Variants in NRG3 observed in about 807,000 individuals in gnomAD.
The protein encoded by NRG3 is pro-neuregulin-3, membrane-bound isoform.
NRG3 carries 31 observed loss-of-function variants against 66.9 expected under a neutral mutation model. The ratio of observed to expected loss-of-function variants is 0.46; its 90% CI spans 0.35 to 0.63. NRG3 has a LOEUF of 0.63. Among genes scored for constraint, NRG3 ranks in the 20% least tolerant of loss-of-function variants. The probability of loss-of-function intolerance (pLI) is 0.00; values close to 1 mark genes in which losing one functional copy is unlikely to be tolerated. For synonymous variants in NRG3, 393 were observed against 359.4 expected (o/e 1.09, Z -1.06); for missense variants, 910 against 878.9 (o/e 1.04, Z -0.45).
chr10:82,764,665 C>A (rs1467872844), intron 3 of NRG3, among the ~76,000 whole-genome samples: 2 of 152,032 alleles, frequency 1.3e-5, no homozygotes, highest in East Asian at 3.9e-4. Flanking sequence ...CATGAGCCAC[C>A]ACACCCAGCC....
chr10:82,159,924 A>T (rs1277040084), intron 1 of NRG3, among the ~76,000 whole-genome samples: 1 of 151,960 alleles, frequency 6.6e-6, no homozygotes, highest in Non-Finnish European at 1.5e-5. Flanking sequence ...CCTGGAATGA[A>T]TGGAGCAAAA....
rs372950835 is a variant in NRG3, at chr10:81,996,050, G to A, written c.823+119887G>A. Among the ~76,000 whole-genome samples, 10 of 152,074 alleles carry A rather than the reference G, an allele frequency of 6.6e-5. No individual in the cohort carries two copies. In the East Asian group the frequency reaches 1.2e-3, roughly 18 times the overall value. ...CATAATGAATAGCTTTGCTAAAGAG[G>A]ATTCTGCTTTCAAATTTCAAGAATA... On this transcript the variant is annotated intron_variant, in intron 1 of 8. Coordinates refer to ENST00000372141, the MANE Select transcript of NRG3 (RefSeq NM_001010848.4).
chr10:82,455,740 G>A (rs536119265), intron 2 of NRG3, among the ~76,000 whole-genome samples: 10 of 151,310 alleles, frequency 6.6e-5, no homozygotes, highest in African/African-American at 2.2e-4. Context: ...TCAGCCTCCC[G>A]AGTAGCTGGG....
chr10:82,910,148 A>G (rs894536936), intron 4 of NRG3, among the ~76,000 whole-genome samples: 1 of 152,222 alleles, frequency 6.6e-6, no homozygotes, highest in African/African-American at 2.4e-5. Context: ...AAGATTCAAC[A>G]CGCTGGCTGC....
At chr10:82,426,631 ATTATT>A (rs2089464595) in intron 2 of NRG3, among the ~76,000 whole-genome samples, 2 of 142,532 alleles carry the variant, frequency 1.4e-5, no homozygotes, top group Admixed American at 7.1e-5. Context: ...TATTATTATT[ATTATT>A]ATTATTATTA....
intron 1 of NRG3, among the ~76,000 whole-genome samples, chr10:82,151,991 A>G (rs2070784728): frequency 6.6e-6 from 1 of 152,236 alleles, no homozygotes; most frequent in South Asian, 2.1e-4. Flanking sequence ...ATACGTTAGC[A>G]TAAGTGCCTG....
chr10:82,118,093 TC>T (rs1292938568), intron 1 of NRG3, among the ~76,000 whole-genome samples: 5 of 152,052 alleles, frequency 3.3e-5, no homozygotes, highest in African/African-American at 1.2e-4. Flanking sequence ...AACCCTCACT[TC>T]CTGACTCACT....
intron 1 of NRG3, among the ~76,000 whole-genome samples, chr10:82,045,786 G>A (rs1430825709): frequency 1.4e-5 from 1 of 71,980 alleles, no homozygotes; most frequent in African/African-American, 4.8e-5. Context: ...TTCTACATAT[G>A]GCTAGCCAGT....
chr10:81,985,076 A>G (rs533684866), intron 1 of NRG3, among the ~76,000 whole-genome samples: 1 of 152,324 alleles, frequency 6.6e-6, no homozygotes, highest in South Asian at 2.1e-4. Context: ...AGATAAATAC[A>G]ATAATAGTTA....
At chr10:82,288,328 G>A (rs2079536909) in intron 1 of NRG3, among the ~76,000 whole-genome samples, 1 of 152,152 alleles carries the variant, frequency 6.6e-6, no homozygotes, top group South Asian at 2.1e-4. Context: ...TGAAGAAACT[G>A]AGGATTAGAG....
chr10:82,185,884 G>A (rs936932359), intron 1 of NRG3, among the ~76,000 whole-genome samples: 5 of 152,218 alleles, frequency 3.3e-5, no homozygotes, highest in Non-Finnish European at 7.4e-5. Flanking sequence ...AAAGAGTTTC[G>A]TGTAGTATAT....
chr10:82,380,269 T>G (rs1298315689), intron 2 of NRG3, among the ~76,000 whole-genome samples: 1 of 151,934 alleles, frequency 6.6e-6, no homozygotes, highest in African/African-American at 2.4e-5. Context: ...CAGATCAGAT[T>G]TTTTTTGCAA....
chr10:82,720,326 G>T (rs1433911243), intron 2 of NRG3, among the ~76,000 whole-genome samples: 3 of 151,938 alleles, frequency 2.0e-5, no homozygotes, highest in African/African-American at 7.3e-5. Context: ...GGAGGCAGAG[G>T]TTGCAGTGAG....
intron 1 of NRG3, among the ~76,000 whole-genome samples, chr10:81,883,359 C>G (rs1247705276): frequency 2.0e-5 from 3 of 152,090 alleles, no homozygotes; most frequent in African/African-American, 7.2e-5. Flanking sequence ...TTGTTATAAG[C>G]TTTTATTTCT....
intron 3 of NRG3, among the ~76,000 whole-genome samples, chr10:82,761,952 C>CTTTCTTTCTCTCT (rs1565287344): frequency 1.5e-4 from 19 of 123,940 alleles, no homozygotes; most frequent in African/African-American, 5.6e-4. Context: ...TTCTTTCTTT[C>CTTTCTTTCTCTCT]TTTCTTTCTT....
At chr10:82,531,369 G>A (rs1357283021) in intron 2 of NRG3, among the ~76,000 whole-genome samples, 1 of 151,472 alleles carries the variant, frequency 6.6e-6, no homozygotes, top group African/African-American at 2.4e-5. Flanking sequence ...TTAGTTCGAT[G>A]ATGTTATTTT....
At chr10:82,722,331 A>G (rs968838997) in intron 2 of NRG3, among the ~76,000 whole-genome samples, 5 of 152,176 alleles carry the variant, frequency 3.3e-5, no homozygotes, top group Non-Finnish European at 7.3e-5. Flanking sequence ...TTTAATTTGA[A>G]TATTATATTT....
Position 82,095,106 on chromosome 10 carries a change from G to A in NRG3, c.823+218943G>A, listed in dbSNP as rs572888733. On this transcript the variant is annotated intron_variant, in intron 1 of 8. Coordinates refer to ENST00000372141, the MANE Select transcript of NRG3 (RefSeq NM_001010848.4). ...TGGAAGCTTTCTCACATCCTACTGT[G>A]TGAAATTTGGATGCTTTTGGGAACC... 1.2e-3 allele frequency among the ~76,000 whole-genome samples: 182 copies of A among 152,146 alleles called. 3 individuals are homozygous for A. The South Asian group carries it at 0.037, about 31-fold the overall frequency.
intron 1 of NRG3, among the ~76,000 whole-genome samples, chr10:82,138,102 G>T (rs1251917948): frequency 6.6e-6 from 1 of 152,004 alleles, no homozygotes; most frequent in African/African-American, 2.4e-5. Context: ...TAAGTTGTGA[G>T]AAACAAATCC....
Sources: gnomAD v4.1 joint callset for allele counts (sites outside exome capture counted in the v4.1 genomes callset) on GRCh38, gnomAD v4.1.1 for gene constraint, MANE v1.5 for transcripts, NCBI Gene and HGNC (gene_info 2026-07-23, HGNC 2026-07-21) for gene names.